Variants in MYO6 observed in about 807,000 individuals in gnomAD.
The protein encoded by MYO6 is myosin VI, also known as unconventional myosin-VI.
Under a neutral mutation model 178.7 loss-of-function variants are expected in MYO6, and 74 were observed. The observed-to-expected ratio is 0.41, with a 90% CI of 0.34 to 0.50. The LOEUF (loss-of-function observed/expected upper bound fraction) is 0.50, where lower values mean the gene tolerates loss of function less well. Among genes scored for constraint, MYO6 ranks in the 20% least tolerant of loss-of-function variants. The pLI is 0.09. For missense variants in MYO6, 1,330 were observed against 1,547.4 expected, an observed-to-expected ratio of 0.86 and a Z score of 2.36; for synonymous variants, 477 against 504.6, an observed-to-expected ratio of 0.95 and a Z score of 0.73.
chr6:75,870,127 A>AT (rs895451407), intron 18 of MYO6, among the ~76,000 whole-genome samples: 2 of 152,128 alleles, frequency 1.3e-5, no homozygotes, highest in Admixed American at 1.3e-4. Flanking sequence ...AAAAGAAAAA[A>AT]AAAAAAGTTA....
At chr6:75,756,274 C>A (rs1777342279) in intron 1 of MYO6, among the ~76,000 whole-genome samples, 1 of 151,504 alleles carries the variant, frequency 6.6e-6, no homozygotes. Context: ...GGGACTAGGA[C>A]TGATATGTTG....
intron 1 of MYO6, among the ~76,000 whole-genome samples, chr6:75,795,827 A>AG: frequency 6.6e-6 from 1 of 152,370 alleles, no homozygotes; most frequent in African/African-American, 2.4e-5. Context: ...AGTGATGAAT[A>AG]GATCTGATTT....
intron 1 of MYO6, among the ~76,000 whole-genome samples, chr6:75,799,063 C>T (rs920987613): frequency 6.6e-6 from 1 of 152,126 alleles, no homozygotes; most frequent in African/African-American, 2.4e-5. Flanking sequence ...AGGTGAAAGA[C>T]CTCTACAAGG....
In MYO6 at chr6:75,825,272, G is replaced by A. The variant is rs1772344431; in HGVS notation, c.187+2421G>A. ...CTTCGTGAATTATTGTCTATTAGAT[G>A]TTGATAATAATAAAGTATAGAGTAT... is the stretch of plus-strand genomic sequence containing the variant. On this transcript the variant is annotated intron_variant, in intron 3 of 34. Coordinates refer to ENST00000369977, the MANE Select transcript of MYO6 (RefSeq NM_004999.4). 2.0e-5 allele frequency among the ~76,000 whole-genome samples: 3 copies of A among 152,254 alleles called. No homozygotes were observed. In the South Asian group the frequency reaches 6.2e-4, roughly 32 times the overall value.
intron 10 of MYO6, among the ~76,000 whole-genome samples, chr6:75,847,194 T>A (rs1180328466): frequency 1.3e-5 from 2 of 152,156 alleles, no homozygotes; most frequent in South Asian, 2.1e-4. Context: ...TTTGGCTGCA[T>A]GTGATTGTTT....
intron 23 of MYO6, among the ~76,000 whole-genome samples, chr6:75,884,250 G>A (rs925078746): frequency 6.6e-6 from 1 of 152,180 alleles, no homozygotes; most frequent in African/African-American, 2.4e-5. Flanking sequence ...CTGAAGTTAA[G>A]TAGATTTCTT....
At chr6:75,837,287 A>G (rs1773737167) in intron 7 of MYO6, among the ~76,000 whole-genome samples, 1 of 152,254 alleles carries the variant, frequency 6.6e-6, no homozygotes, top group African/African-American at 2.4e-5. Flanking sequence ...AGATGATAAT[A>G]TTTAAATATG....
chr6:75,844,189 G>C (rs1400575845), intron 9 of MYO6, among the ~76,000 whole-genome samples: 2 of 152,130 alleles, frequency 1.3e-5, no homozygotes, highest in Non-Finnish European at 2.9e-5. Context: ...TCAATTGTGA[G>C]ACTAATAAAT....
intron 7 of MYO6, 24 bp from the exon 8 acceptor site, chr6:75,840,561 A>G (rs971320575): frequency 5.3e-6 from 8 of 1,515,920 alleles, no homozygotes; most frequent in Non-Finnish European, 7.3e-6. Context: ...TAATTTTTTG[A>G]TGGATTTTTT....
rs1253621533 is a variant in MYO6 at position 75,862,709 on chromosome 6, C to T, written c.1660C>T (p.His554Tyr). Residue 554 changes from histidine to tyrosine, a missense_variant, in exon 16 of 35, where the codon CAT becomes TAT. By Grantham distance (83) the His-to-Tyr change is moderately conservative. Around this residue, in one of 3 missense-constraint regions of MYO6, gnomAD observed 613 missense variants for 816.8 expected, o/e 0.75. Coordinates refer to ENST00000369977, the MANE Select transcript of MYO6 (RefSeq NM_004999.4). ...TSAVHQKHKD[H>Y]FRLTIPRKSK... ...TGCAGTTCACCAAAAGCACAAGGAT[C>T]ATTTTCGACTCACTGTGAGTTTTGC... 1 of 1,613,952 alleles carries T rather than the reference C, an allele frequency of 6.2e-7. No individual in the cohort carries two copies. The highest frequency in any genetic ancestry group is 8.5e-7 in the Non-Finnish European group (1 of 1,179,994).
intron 1 of MYO6, among the ~76,000 whole-genome samples, chr6:75,749,626 A>AGAC (rs1776670090): frequency 6.6e-6 from 1 of 152,200 alleles, no homozygotes; most frequent in Non-Finnish European, 1.5e-5. Flanking sequence ...TTCCACCGAA[A>AGAC]GACAATCAGT....
In MYO6 at chr6:75,914,948, C is replaced by A; in HGVS notation, c.3794C>A (p.Ala1265Glu). 1 of 1,613,986 alleles carries A rather than the reference C, an allele frequency of 6.2e-7. No homozygotes were observed. Residue 1265 changes from alanine (A) to glutamate (E), a missense_variant, in exon 35 of 35, where the codon GCG becomes GAG. This residue lies in a region of MYO6 where 601 missense variants were observed against 626.1 expected (regional missense o/e 0.96). Transcript: ENST00000369977. ...GGAGGCATCCAGTACCTTCAGAATG[C>A]GATTGAGAGCAGACAGGCTCGGCCC... ...RCGGIQYLQN[A>E]IESRQARPTY...
At chr6:75,808,616 T>A (rs910036071) in intron 1 of MYO6, among the ~76,000 whole-genome samples, 3 of 152,190 alleles carry the variant, frequency 2.0e-5, no homozygotes, top group Non-Finnish European at 4.4e-5. Flanking sequence ...CTCCTGAATA[T>A]GGCAGAGACA....
chr6:75,858,770 A>G, intron 13 of MYO6, 132 bp from the exon 14 acceptor site: 2 of 640,772 alleles, frequency 3.1e-6, no homozygotes, highest in Non-Finnish European at 5.4e-6. Flanking sequence ...GGAAGTATAG[A>G]ACAAATATAT....
chr6:75,835,643 G>A (rs1412997795), intron 6 of MYO6, among the ~76,000 whole-genome samples: 2 of 152,060 alleles, frequency 1.3e-5, no homozygotes, highest in Non-Finnish European at 2.9e-5. Flanking sequence ...TGTTGGCCAG[G>A]CTGGTCTCGA....
intron 10 of MYO6, among the ~76,000 whole-genome samples, chr6:75,846,576 G>T (rs964183284): frequency 1.3e-5 from 2 of 152,028 alleles, no homozygotes; most frequent in Admixed American, 6.6e-5. Context: ...TATAGCCATG[G>T]TTGGTACTTT....
At chr6:75,824,416 A>G (rs1772225085) in intron 3 of MYO6, among the ~76,000 whole-genome samples, 1 of 152,172 alleles carries the variant, frequency 6.6e-6, no homozygotes, top group South Asian at 2.1e-4. Flanking sequence ...TGTTGAGTTT[A>G]GAATGTAGGG....
At chr6:75,789,567 CT>C (rs963537796) in intron 1 of MYO6, among the ~76,000 whole-genome samples, 5 of 150,970 alleles carry the variant, frequency 3.3e-5, no homozygotes, top group African/African-American at 4.9e-5. Flanking sequence ...CTCTCCACCT[CT>C]TTTTTTTTGT....
intron 1 of MYO6, among the ~76,000 whole-genome samples, chr6:75,759,858 A>G (rs1777797900): frequency 6.6e-6 from 1 of 152,220 alleles, no homozygotes; most frequent in African/African-American, 2.4e-5. Flanking sequence ...CCCAACAAGA[A>G]ACATAATCTA....
Sources: gnomAD v4.1 joint callset for allele counts (sites outside exome capture counted in the v4.1 genomes callset) on GRCh38, gnomAD v4.1.1 for gene constraint, gnomAD v4.1.1 regional missense constraint, MANE v1.5 for transcripts, NCBI Gene and HGNC (gene_info 2026-07-23, HGNC 2026-07-21) for gene names.